ZNF805: variants seen among roughly 807,000 people sequenced by gnomAD.
The protein encoded by ZNF805 is zinc finger protein 805, also known as CTC-444N24.8.
In ZNF805, 7 loss-of-function variants were observed where a neutral mutation model predicts 13.6. The observed-to-expected ratio is 0.51, with a 90% CI of 0.29 to 0.97. ZNF805 has a LOEUF of 0.97. Ranked by LOEUF, ZNF805 falls within the 50% of genes least tolerant of loss-of-function variation. The probability of loss-of-function intolerance (pLI) is 0.08; values close to 1 mark genes in which losing one functional copy is unlikely to be tolerated. For missense variants in ZNF805, 604 were observed against 771.0 expected, an observed-to-expected ratio of 0.78 and a Z score of 2.57; for synonymous variants, 293 against 279.8, an observed-to-expected ratio of 1.05 and a Z score of -0.47.
rs181879861 is a variant in ZNF805, at chr19:57,253,436, A to G, written c.617A>G (p.Asn206Ser). 543 of 1,569,128 alleles carry G rather than the reference A, an allele frequency of 3.5e-4. No individual in the cohort carries two copies. The highest frequency in any genetic ancestry group is 4.2e-4 in the Non-Finnish European group (488 of 1,156,502). The change falls in exon 4 of 4, where the codon AAT becomes AGT. Residue 206 changes from asparagine (N) to serine (S), a missense_variant. Asn to Ser is a conservative substitution (Grantham distance 46). Around this residue, in one of 3 missense-constraint regions of ZNF805, gnomAD observed 327 missense variants for 378.2 expected, o/e 0.86. Coordinates refer to ENST00000414468, the MANE Select transcript of ZNF805 (RefSeq NM_001023563.4). This position sits in a 1 kb window ranked among gnomAD's most constrained non-coding sequence, Gnocchi z 4.4. ...IQEEENIFKC[N>S]ECEKVFNKKR... ...GAAGAGGAAAATATCTTTAAATGCAATGAATGTGAAAAAGTGTTTAACAAG... is the reference window on the plus strand; with the variant it reads ...GAAGAGGAAAATATCTTTAAATGCAGTGAATGTGAAAAAGTGTTTAACAAG...
At position 57,258,997 on chromosome 19, in the gene ZNF805, A is replaced by G. The variant is rs1390004061; in HGVS notation, c.*4294A>G. 3.3e-5 allele frequency among the ~76,000 whole-genome samples: 5 copies of G among 152,142 alleles called. No homozygotes were observed. The highest frequency in any genetic ancestry group is 3.3e-4 in the Admixed American group (5 of 15,278). On this transcript the variant is annotated 3_prime_UTR_variant, in exon 4 of 4. Coordinates refer to ENST00000414468, the MANE Select transcript of ZNF805 (RefSeq NM_001023563.4). ...AACATGTTTGTTCCTTCTGTCCGCT[A>G]TGGTTTCAGATGAGAAATCTGTTGC... is the stretch of plus-strand genomic sequence containing the variant.
chr19:57,254,967 T>G lies in ZNF805; in HGVS notation c.*264T>G. ...TTTATACTGTTGTCTTGTATGTACATTTCTGTCCTGTGTCAGGAAAGTTAG... is the reference window on the plus strand; with the variant it reads ...TTTATACTGTTGTCTTGTATGTACAGTTCTGTCCTGTGTCAGGAAAGTTAG... On this transcript the variant is annotated 3_prime_UTR_variant, in exon 4 of 4. Transcript: ENST00000414468. The G allele has an allele frequency of 2.8e-6, 1 of 357,190 alleles. No homozygotes were observed. Among genetic ancestry groups the G allele is most frequent in the Non-Finnish European group, 5.3e-6 (1 of 189,272 alleles). The allele number at this position is 357,190 out of a possible 1,614,324, so 22.1% of individuals were successfully genotyped here.
chr19:57,262,257 G>A lies in ZNF805; in HGVS notation c.*7554G>A, dbSNP rs1013326088. 3 of 166,328 alleles carry A rather than the reference G, an allele frequency of 1.8e-5. No homozygotes were observed. Among genetic ancestry groups the A allele is most frequent in the African/African-American group, 7.3e-5 (3 of 41,210 alleles). 10.3% of individuals were successfully genotyped at this position (166,328 alleles called of 1,614,324 possible). On this transcript the variant is annotated 3_prime_UTR_variant, in exon 4 of 4. Transcript: ENST00000414468. ...AAATGCTGAGTTAGCTTAAGTTTCTGTAACAAACATTAAGCAAATAAAATT... is the reference window on the plus strand; with the variant it reads ...AAATGCTGAGTTAGCTTAAGTTTCTATAACAAACATTAAGCAAATAAAATT...
intron 3 of ZNF805, among the ~76,000 whole-genome samples, chr19:57,252,079 A>C (rs1420926436): frequency 1.3e-5 from 2 of 152,172 alleles, no homozygotes; most frequent in Non-Finnish European, 2.9e-5. Context: ...CCTGTGCCTC[A>C]TCTTTCCCTA....
At chr19:57,252,446 AGAG>A (rs1178425486) in intron 3 of ZNF805, among the ~76,000 whole-genome samples, 4 of 152,208 alleles carry the variant, frequency 2.6e-5, no homozygotes, top group Non-Finnish European at 5.9e-5. Context: ...ACAAATTAGA[AGAG>A]GACACGGGAT....
chr19:57,246,708 G>A (rs2087620731), intron 2 of ZNF805, among the ~76,000 whole-genome samples: 1 of 151,608 alleles, frequency 6.6e-6, no homozygotes, highest in Non-Finnish European at 1.5e-5. Flanking sequence ...CCAGGGAGTT[G>A]GAGGTTGCAG....
In ZNF805 at chr19:57,240,772, G is replaced by A; in HGVS notation, c.-120G>A. 1 of 957,412 alleles carries A rather than the reference G, an allele frequency of 1.0e-6. No homozygotes were observed. Among genetic ancestry groups the A allele is most frequent in the Non-Finnish European group, 1.5e-6 (1 of 653,768 alleles). 59.3% of individuals were successfully genotyped at this position (957,412 alleles called of 1,614,324 possible). Reference sequence around the variant, plus strand: ...CCGTGAGCCTCCCCGTAACGAGAGAGTTTGACTGTCAGCCAAGGTCACCGG... The same window carrying A: ...CCGTGAGCCTCCCCGTAACGAGAGAATTTGACTGTCAGCCAAGGTCACCGG... On this transcript the variant is annotated 5_prime_UTR_variant, in exon 1 of 4. Transcript: ENST00000414468.
In ZNF805 at chr19:57,255,939, T is replaced by C. The variant is rs887451644; in HGVS notation, c.*1236T>C. ...TTAGGGGGAAATGTTCAGTTTCTCA[T>C]TATTATGATGTTGAAAGTTGCTTCC... On this transcript the variant is annotated 3_prime_UTR_variant, in exon 4 of 4. Transcript: ENST00000414468. 6.6e-6 allele frequency among the ~76,000 whole-genome samples: 1 copy of C among 152,130 alleles called. No individual in the cohort carries two copies. The highest frequency in any genetic ancestry group is 2.4e-5 in the African/African-American group (1 of 41,438).
In ZNF805 at chr19:57,259,655, C is replaced by T. The variant is rs2087711942; in HGVS notation, c.*4952C>T. 1.3e-5 allele frequency among the ~76,000 whole-genome samples: 2 copies of T among 152,004 alleles called. No homozygotes were observed. Among genetic ancestry groups the T allele is most frequent in the South Asian group, 2.1e-4 (1 of 4,820 alleles). ...CCGAGTAGCTGGGACTACAGGTGCCCGCCACCATGCCCGGCTAATTTTTTG... is the reference window on the plus strand; with the variant it reads ...CCGAGTAGCTGGGACTACAGGTGCCTGCCACCATGCCCGGCTAATTTTTTG... On this transcript the variant is annotated 3_prime_UTR_variant, in exon 4 of 4. Transcript: ENST00000414468.
intron 2 of ZNF805, among the ~76,000 whole-genome samples, chr19:57,248,209 TAAAAAAA>T (rs796135894): frequency 2.2e-5 from 3 of 137,798 alleles, no homozygotes; most frequent in African/African-American, 7.9e-5. Context: ...CTTAGGATGT[TAAAAAAA>T]AAAAAAAAAG....
intron 2 of ZNF805, among the ~76,000 whole-genome samples, chr19:57,245,751 CCTGGGCGA>C (rs1306290349): frequency 6.6e-6 from 1 of 151,680 alleles, no homozygotes; most frequent in Non-Finnish European, 1.5e-5. Context: ...TGCACTCCAG[CCTGGGCGA>C]CAGAGCGAGA....
Position 57,260,094 on chromosome 19 carries a change from T to C in ZNF805, c.*5391T>C, listed in dbSNP as rs1600002564. ...GTAAAATCCTCCAGCTCTGTAAGCC[T>C]TGTTATATCCTCAATGGAGAAGGGG... is the stretch of plus-strand genomic sequence containing the variant. On this transcript the variant is annotated 3_prime_UTR_variant, in exon 4 of 4. Transcript: ENST00000414468. Among the ~76,000 whole-genome samples the C allele has an allele frequency of 6.6e-6, 1 of 152,362 alleles. No homozygotes were observed. Among genetic ancestry groups the C allele is most frequent in the East Asian group, 1.9e-4 (1 of 5,186 alleles).
intron 2 of ZNF805, among the ~76,000 whole-genome samples, chr19:57,247,883 G>A (rs2087628608): frequency 6.6e-6 from 1 of 152,058 alleles, no homozygotes; most frequent in Admixed American, 6.6e-5. Flanking sequence ...GGACTTCCTG[G>A]GTATACCGTG....
intron 3 of ZNF805, among the ~76,000 whole-genome samples, chr19:57,251,490 T>A (rs1045578613): frequency 2.6e-5 from 4 of 152,182 alleles, no homozygotes; most frequent in African/African-American, 9.7e-5. Context: ...TCTTTTTGAT[T>A]TTATTTTTGT....
intron 3 of ZNF805, 94 bp downstream of exon 3, chr19:57,248,794 G>A (rs979280459): frequency 1.7e-5 from 20 of 1,171,972 alleles, no homozygotes; most frequent in Non-Finnish European, 2.5e-5. Context: ...GCTTCTCACT[G>A]TGGCTTCTCT....
chr19:57,245,571 A>G (rs1008992273), intron 2 of ZNF805, among the ~76,000 whole-genome samples: 1 of 149,896 alleles, frequency 6.7e-6, no homozygotes, highest in Non-Finnish European at 1.5e-5. Context: ...CAAGGTCAGG[A>G]GATAGAGACC....
chr19:57,241,161 G>T (rs1322215940), intron 1 of ZNF805, among the ~76,000 whole-genome samples: 10 of 151,930 alleles, frequency 6.6e-5, no homozygotes, highest in Admixed American at 3.3e-4. Context: ...CAATTTTTTT[G>T]TAGCAACCTG....
chr19:57,244,143 A>T (rs1276619665), intron 2 of ZNF805, 94 bp downstream of exon 2: 2 of 1,466,762 alleles, frequency 1.4e-6, no homozygotes, highest in East Asian at 2.4e-5. Flanking sequence ...GTCCTCTCTT[A>T]CTGGCCTTGC....
rs893310969 is a variant in ZNF805, at chr19:57,254,892, A to G, written c.*189A>G. 1.7e-6 allele frequency: 1 copy of G among 605,620 alleles called. No individual in the cohort carries two copies. Among genetic ancestry groups the G allele is most frequent in the Non-Finnish European group, 2.9e-6 (1 of 348,920 alleles). 37.5% of individuals were successfully genotyped at this position (605,620 alleles called of 1,614,324 possible). ...GTGCAATGTTATCTCAGGAATTTTT[A>G]TAAACAGAAAGAGGTGACATAGAAA... On this transcript the variant is annotated 3_prime_UTR_variant, in exon 4 of 4. Coordinates refer to ENST00000414468, the MANE Select transcript of ZNF805 (RefSeq NM_001023563.4).
Sources: allele counts gnomAD v4.1 joint callset (sites outside exome capture counted in the v4.1 genomes callset), GRCh38; gene constraint gnomAD v4.1.1; regional missense constraint gnomAD v4.1.1; non-coding constraint Gnocchi (gnomAD v3.1); transcripts MANE v1.5; gene names NCBI Gene and HGNC (gene_info 2026-07-23, HGNC 2026-07-21).